Variants in GPR26 observed in about 807,000 individuals in gnomAD.
The protein encoded by GPR26 is G protein-coupled receptor 26.
Under a neutral mutation model 23.1 loss-of-function variants are expected in GPR26, and 15 were observed. The ratio of observed to expected loss-of-function variants is 0.65; its 90% CI spans 0.43 to 1.00. The LOEUF (loss-of-function observed/expected upper bound fraction) is 1.00, where lower values mean the gene tolerates loss of function less well. Among genes scored for constraint, GPR26 ranks in the 50% least tolerant of loss-of-function variants. GPR26 has a pLI of 0.00. For missense variants in GPR26, 359 were observed against 470.5 expected (o/e 0.76, Z 2.19); for synonymous variants, 228 against 222.1 (o/e 1.03, Z -0.24).
rs1845281911 is a variant in GPR26, at chr10:123,674,202, C to T, written c.669-616C>T. 6.6e-6 allele frequency among the ~76,000 whole-genome samples: 1 copy of T among 152,192 alleles called. No homozygotes were observed. The highest frequency in any genetic ancestry group is 2.4e-5 in the African/African-American group (1 of 41,452). ...CAAACTCCCGACCTCAGGTGATCCA[C>T]CCACTTCGGCCTCCCAAAGTGCTGG... On this transcript the variant is annotated intron_variant, in intron 1 of 2. Coordinates refer to ENST00000284674, the MANE Select transcript of GPR26 (RefSeq NM_153442.4). The surrounding 1 kb of genome is among the most constrained non-coding windows in gnomAD (Gnocchi z 4.1).
At position 123,674,838 on chromosome 10, in the gene GPR26, A is replaced by C. The variant is rs1446165635; in HGVS notation, c.689A>C (p.Glu230Ala). Reference sequence around the variant, plus strand: ...TGCAGTGTGCGGGAACGCTGTCTGGAGGAGCAGAAGCGGAGGCGACAGCGA... The same window carrying C: ...TGCAGTGTGCGGGAACGCTGTCTGGCGGAGCAGAAGCGGAGGCGACAGCGA... ...LHPSVRERCL[E>A]EQKRRRQRAT... The change falls in exon 2 of 3, where the codon GAG becomes GCG. Residue 230 changes from glutamate to alanine, a missense_variant. Glu to Ala is a moderately radical substitution (Grantham distance 107, BLOSUM62 -1). Coordinates refer to ENST00000284674, the MANE Select transcript of GPR26 (RefSeq NM_153442.4). This position sits in a 1 kb window ranked among gnomAD's most constrained non-coding sequence, Gnocchi z 4.1. 6.2e-7 allele frequency: 1 copy of C among 1,613,164 alleles called. No individual in the cohort carries two copies. Among genetic ancestry groups the C allele is most frequent in the East Asian group, 2.2e-5 (1 of 44,854 alleles).
At chr10:123,685,639 G>A (rs1257799056) in intron 2 of GPR26, among the ~76,000 whole-genome samples, 3 of 152,222 alleles carry the variant, frequency 2.0e-5, no homozygotes, top group Non-Finnish European at 4.4e-5. Flanking sequence ...GTGTGGACGG[G>A]CAAGTGACAA....
intron 1 of GPR26, among the ~76,000 whole-genome samples, chr10:123,670,359 G>C (rs953120552): frequency 3.3e-5 from 5 of 152,224 alleles, no homozygotes; most frequent in Admixed American, 2.0e-4. Flanking sequence ...AACAGATCTA[G>C]AAAGTGTCTC....
chr10:123,687,838 G>A, intron 2 of GPR26, 91 bp from the exon 3 acceptor site: 3 of 806,512 alleles, frequency 3.7e-6, no homozygotes, highest in South Asian at 3.0e-5. Flanking sequence ...GCGAAACCGT[G>A]GTCTGCAGGG....
rs1845547770 is a variant in GPR26, at chr10:123,696,669, C to T, written c.*8509C>T. ...ATTGGCTTCTGTACAATGTTGCAAT[C>T]CCTTAATGTCAGACTCTTAGGAAAA... On this transcript the variant is annotated 3_prime_UTR_variant, in exon 3 of 3. Transcript: ENST00000284674. Among the ~76,000 whole-genome samples, 1 of 152,228 alleles carries T rather than the reference C, an allele frequency of 6.6e-6. No homozygotes were observed. The highest frequency in any genetic ancestry group is 2.4e-5 in the African/African-American group (1 of 41,456).
rs896657304 is a variant in GPR26, at chr10:123,691,380, C to T, written c.*3220C>T. On this transcript the variant is annotated 3_prime_UTR_variant, in exon 3 of 3. Coordinates refer to ENST00000284674, the MANE Select transcript of GPR26 (RefSeq NM_153442.4). The stretch of plus-strand genomic sequence containing the variant: ...TCCTGTCCCCATGAGCAATAAAACT[C>T]TCTCCTTATGTCTGTGAAATTCGTT... The T allele has an allele frequency of 6.6e-6, 1 of 152,202 alleles. No individual in the cohort carries two copies. Among genetic ancestry groups the T allele is most frequent in the Non-Finnish European group, 1.5e-5 (1 of 68,050 alleles). The allele number at this position is 152,202 out of a possible 1,614,324, so 9.4% of individuals were successfully genotyped here.
rs62640899 is a variant in GPR26, at chr10:123,687,995, G to A, written c.849G>A (p.Ala283=). The change falls in exon 3 of 3, where the codon GCG becomes GCA. Residue 283 remains alanine (A), a synonymous_variant. Transcript: ENST00000284674. ...GGGGGGTGCTGTCCAAGTGCTTGGC[G>A]TACAGCAAGGCCGCATCCGACCCCT... ...SHWGVLSKCL[A]YSKAASDPFV... is the part of the protein sequence containing the mutation. 7,681 of 1,613,968 alleles carry A rather than the reference G, an allele frequency of 4.8e-3. 319 individuals are homozygous for A. The African/African-American group carries it at 0.087, about 18-fold the overall frequency.
intron 2 of GPR26, among the ~76,000 whole-genome samples, chr10:123,676,913 T>C (rs1488161962): frequency 6.6e-6 from 1 of 152,186 alleles, no homozygotes; most frequent in African/African-American, 2.4e-5. Context: ...ATCTGTGGTC[T>C]TCACTCTCCT....
chr10:123,675,455 T>C (rs2133924710), intron 2 of GPR26, among the ~76,000 whole-genome samples: 1 of 152,256 alleles, frequency 6.6e-6, no homozygotes, highest in Admixed American at 6.5e-5. Context: ...CAGGGGCTCT[T>C]CCACTGTTAG....
At chr10:123,671,507 C>G (rs1036893498) in intron 1 of GPR26, among the ~76,000 whole-genome samples, 4 of 152,176 alleles carry the variant, frequency 2.6e-5, no homozygotes, top group Admixed American at 6.5e-5. Flanking sequence ...CATGTCACAG[C>G]CTTGGGACCT....
chr10:123,681,555 G>A (rs34015387), intron 2 of GPR26, among the ~76,000 whole-genome samples: 6,332 of 152,244 alleles, frequency 0.042, 250 homozygotes, highest in African/African-American at 0.09. Context: ...GTAGGTTGAC[G>A]TCAGATGGCA....
rs1382135078 is a variant in GPR26, at chr10:123,690,593, CG to C, written c.*2434del. 4.6e-5 allele frequency: 7 copies of C among 152,132 alleles called. 1 individual carries two copies. Among genetic ancestry groups the C allele is most frequent in the Admixed American group, 4.6e-4 (7 of 15,276 alleles). 9.4% of individuals were successfully genotyped at this position (152,132 alleles called of 1,614,324 possible). A position where few individuals can be genotyped will look rare whatever the true frequency, so the allele number is the denominator to read the frequency against. ...TCTAAAACCAATTGTACCGACATCACGTAGACAAAAACTCCAGATAAATCCA... is the reference window on the plus strand; with the variant it reads ...TCTAAAACCAATTGTACCGACATCACTAGACAAAAACTCCAGATAAATCCA... On this transcript the variant is annotated 3_prime_UTR_variant, in exon 3 of 3. Coordinates refer to ENST00000284674, the MANE Select transcript of GPR26 (RefSeq NM_153442.4).
chr10:123,666,810 C>A lies in GPR26; in HGVS notation c.403C>A (p.Leu135Ile), dbSNP rs774042821. Reference sequence around the variant, plus strand: ...GGTGGCCTACACGTGGCTGCACGCGCTCACCTTCCCAGCCGCCGCGCTCGC... The same window carrying A: ...GGTGGCCTACACGTGGCTGCACGCGATCACCTTCCCAGCCGCCGCGCTCGC... ...LMVAYTWLHA[L>I]TFPAAALALS... Residue 135 changes from leucine (L) to isoleucine (I), a missense_variant, in exon 1 of 3, where the codon CTC (leucine) becomes ATC (isoleucine). Transcript: ENST00000284674. The A allele has an allele frequency of 2.5e-6, 4 of 1,608,340 alleles. No homozygotes were observed. The highest frequency in any genetic ancestry group is 3.4e-6 in the Non-Finnish European group (4 of 1,178,104).
intron 2 of GPR26, among the ~76,000 whole-genome samples, chr10:123,682,595 T>TA (rs1199906032): frequency 6.6e-6 from 1 of 152,216 alleles, no homozygotes; most frequent in African/African-American, 2.4e-5. Flanking sequence ...TTTTCTGAAT[T>TA]AAAATCCACA....
chr10:123,680,697 T>G (rs1230178623), intron 2 of GPR26, among the ~76,000 whole-genome samples: 1 of 152,078 alleles, frequency 6.6e-6, no homozygotes, highest in Non-Finnish European at 1.5e-5. Context: ...CTTAATTAAT[T>G]CAGGAATGTC....
intron 2 of GPR26, among the ~76,000 whole-genome samples, chr10:123,686,014 G>A (rs1845427918): frequency 6.6e-6 from 1 of 152,194 alleles, no homozygotes; most frequent in Admixed American, 6.5e-5. Flanking sequence ...CTCTGAGAAG[G>A]AAATGCAATA....
chr10:123,673,192 G>GA (rs1275472451), intron 1 of GPR26, among the ~76,000 whole-genome samples: 1 of 152,156 alleles, frequency 6.6e-6, no homozygotes, highest in Non-Finnish European at 1.5e-5. Context: ...AAGTCAGGGG[G>GA]AAAAATCTTG....
intron 2 of GPR26, among the ~76,000 whole-genome samples, chr10:123,681,369 G>T (rs1589928563): frequency 6.6e-6 from 1 of 152,208 alleles, no homozygotes; most frequent in Non-Finnish European, 1.5e-5. Context: ...CTCAGAAACG[G>T]AATGCTGCAG....
chr10:123,681,091 G>A (rs749327747), intron 2 of GPR26, among the ~76,000 whole-genome samples: 31 of 152,038 alleles, frequency 2.0e-4, no homozygotes, highest in Middle Eastern at 6.8e-3. Flanking sequence ...CACCTGCATC[G>A]GCCTCCCAAA....
Sources: gnomAD v4.1 joint callset for allele counts (sites outside exome capture counted in the v4.1 genomes callset) on GRCh38, gnomAD v4.1.1 for gene constraint, Gnocchi (gnomAD v3.1) non-coding constraint, MANE v1.5 for transcripts, NCBI Gene and HGNC (gene_info 2026-07-23, HGNC 2026-07-21) for gene names.